NOX4: variants seen among roughly 807,000 people sequenced by gnomAD.
The protein encoded by NOX4 is kidney oxidase-1.
In NOX4, 69 loss-of-function variants were observed where a neutral mutation model predicts 87.6. The ratio of observed to expected loss-of-function variants is 0.79; its 90% CI spans 0.65 to 0.96. NOX4 has a LOEUF of 0.96. Ranked by LOEUF, NOX4 falls within the 40% of genes least tolerant of loss-of-function variation. The pLI, the probability that NOX4 is intolerant of heterozygous loss-of-function variation, is 0.00. For missense variants in NOX4, 680 were observed against 681.5 expected (o/e 1.00, Z 0.02); for synonymous variants, 275 against 238.2 (o/e 1.15, Z -1.42).
the NOX4 span, among the ~76,000 whole-genome samples, chr11:89,584,737 A>G: frequency 6.6e-6 from 1 of 152,170 alleles, no homozygotes; most frequent in African/African-American, 2.4e-5. Context: ...AAATTCCCCC[A>G]TCTAGAATTC....
intron 7 of NOX4, among the ~76,000 whole-genome samples, chr11:89,430,694 G>A (rs899918087): frequency 6.6e-5 from 10 of 151,920 alleles, no homozygotes; most frequent in South Asian, 2.1e-4. Flanking sequence ...ACTGCTCAAC[G>A]AAATAAAAGA....
chr11:89,417,678 A>C (rs1051517462), intron 8 of NOX4, among the ~76,000 whole-genome samples: 1 of 152,116 alleles, frequency 6.6e-6, no homozygotes, highest in African/African-American at 2.4e-5. Context: ...TTTATCAAAA[A>C]ACCTGATTTT....
chr11:89,475,509 A>G (rs923144137), intron 2 of NOX4, among the ~76,000 whole-genome samples: 5 of 152,072 alleles, frequency 3.3e-5, no homozygotes, highest in African/African-American at 1.2e-4. Flanking sequence ...ACTTCTAAAA[A>G]TTACCTTGAA....
intron 7 of NOX4, among the ~76,000 whole-genome samples, chr11:89,424,185 TTA>T (rs1400686668): frequency 6.6e-6 from 1 of 151,920 alleles, no homozygotes; most frequent in Non-Finnish European, 1.5e-5. Flanking sequence ...TCTCCAGATA[TTA>T]TATGTTTTGC....
chr11:89,470,076 AAATAAT>A (rs3066903), intron 2 of NOX4, among the ~76,000 whole-genome samples: 36 of 149,626 alleles, frequency 2.4e-4, no homozygotes, highest in Middle Eastern at 7.0e-3. Context: ...TGCAAAATGA[AAATAAT>A]AATAATAATA....
intron 12 of NOX4, among the ~76,000 whole-genome samples, chr11:89,366,132 G>A (rs1938963480): frequency 6.6e-6 from 1 of 152,018 alleles, no homozygotes; most frequent in African/African-American, 2.4e-5. Context: ...TAGCCATTCA[G>A]TACATTATGT....
At chr11:89,435,948 A>G (rs1042799972) in intron 6 of NOX4, among the ~76,000 whole-genome samples, 1 of 152,192 alleles carries the variant, frequency 6.6e-6, no homozygotes, top group African/African-American at 2.4e-5. Context: ...TAGATTTCAG[A>G]TCAATGAAGA....
rs531533128 is a variant in NOX4, at chr11:89,435,749, A to G, written c.476-2893T>C. On this transcript the variant is annotated intron_variant, in intron 6 of 17. Transcript: ENST00000263317. ...AATGATGTATATGGTCTGGGATTATACTCTTGTTACTGTCCCTTACACAAA... is the reference window on the plus strand; with the variant it reads ...AATGATGTATATGGTCTGGGATTATGCTCTTGTTACTGTCCCTTACACAAA... Among the ~76,000 whole-genome samples the G allele has an allele frequency of 5.9e-5, 9 of 152,132 alleles. No individual in the cohort carries two copies. The South Asian group carries it at 1.9e-3, about 32-fold the overall frequency.
intron 2 of NOX4, among the ~76,000 whole-genome samples, chr11:89,465,444 T>C (rs1208005504): frequency 6.6e-6 from 1 of 152,246 alleles, no homozygotes; most frequent in Non-Finnish European, 1.5e-5. Context: ...GCAATAAACA[T>C]ACATGTGCAT....
At chr11:89,434,180 T>C (rs566043370) in intron 6 of NOX4, among the ~76,000 whole-genome samples, 24 of 152,098 alleles carry the variant, frequency 1.6e-4, no homozygotes, top group African/African-American at 5.3e-4. Context: ...GCAACACAGG[T>C]GTGTATCATT....
intron 13 of NOX4, among the ~76,000 whole-genome samples, chr11:89,351,644 C>T (rs774002487): frequency 5.9e-5 from 9 of 151,996 alleles, no homozygotes; most frequent in Non-Finnish European, 1.0e-4. Flanking sequence ...ACTTAAGGCC[C>T]GTAAGAATTA....
chr11:89,533,154 C>A, the NOX4 span, among the ~76,000 whole-genome samples: 1 of 152,172 alleles, frequency 6.6e-6, no homozygotes, highest in Non-Finnish European at 1.5e-5. Flanking sequence ...AAGTGTCTAG[C>A]ACAGTGTGTG....
intron 11 of NOX4, among the ~76,000 whole-genome samples, chr11:89,396,122 C>G (rs748355792): frequency 6.6e-6 from 1 of 152,104 alleles, no homozygotes; most frequent in Non-Finnish European, 1.5e-5. Context: ...GATATTGATT[C>G]TTCCTGTCCA....
the NOX4 span, among the ~76,000 whole-genome samples, chr11:89,527,465 T>C: frequency 6.6e-6 from 1 of 152,146 alleles, no homozygotes; most frequent in Non-Finnish European, 1.5e-5. Context: ...CAAGGGTCTT[T>C]ATAGCAGCCC....
At chr11:89,488,649 T>C (rs1946724971) in intron 2 of NOX4, among the ~76,000 whole-genome samples, 1 of 152,194 alleles carries the variant, frequency 6.6e-6, no homozygotes, top group Admixed American at 6.5e-5. Flanking sequence ...TTCCAGTTCT[T>C]AGATTTTTAT....
intron 17 of NOX4, among the ~76,000 whole-genome samples, chr11:89,333,918 T>C (rs1437836134): frequency 1.3e-5 from 2 of 151,754 alleles, no homozygotes; most frequent in Non-Finnish European, 3.0e-5. Context: ...TTGCTCTTCT[T>C]AAACCAGTTT....
Position 89,326,835 on chromosome 11 carries a change from G to T in NOX4, c.1658C>A (p.Ser553Tyr). ...GTTACTCAGTTTATGAAGAGTCTTG[G>T]ATAGTGAATTGGGTCCACAACAGAA... ...GVFCCGPNSL[S>Y]KTLHKLSNQN... is the part of the protein sequence containing the mutation. Residue 553 changes from serine to tyrosine, a missense_variant, in exon 18 of 18, where the codon TCC becomes TAC. By Grantham distance (144) the Ser-to-Tyr change is moderately radical (BLOSUM62 -2). Transcript: ENST00000263317. 1 of 1,613,200 alleles carries T rather than the reference G, an allele frequency of 6.2e-7. No homozygotes were observed. The highest frequency in any genetic ancestry group is 8.5e-7 in the Non-Finnish European group (1 of 1,179,400).
At chr11:89,426,360 T>C (rs956886968) in intron 7 of NOX4, among the ~76,000 whole-genome samples, 1 of 152,028 alleles carries the variant, frequency 6.6e-6, no homozygotes, top group South Asian at 2.1e-4. Context: ...CACTAGGGCT[T>C]GTCAGACAGT....
At chr11:89,450,619 T>A (rs1277982317) in intron 3 of NOX4, among the ~76,000 whole-genome samples, 1 of 151,968 alleles carries the variant, frequency 6.6e-6, no homozygotes, top group Non-Finnish European at 1.5e-5. Flanking sequence ...ATGTGCACAA[T>A]GTGCAGGTTA....
Sources: allele counts gnomAD v4.1 joint callset (sites outside exome capture counted in the v4.1 genomes callset), GRCh38; gene constraint gnomAD v4.1.1; transcripts MANE v1.5; gene names NCBI Gene and HGNC (gene_info 2026-07-23, HGNC 2026-07-21).